PRDM2: variants seen among roughly 807,000 people sequenced by gnomAD.
PRDM2 encodes the protein PR/SET domain 2, also known as PR domain zinc finger protein 2.
PRDM2 carries 30 observed loss-of-function variants against 130.0 expected under a neutral mutation model. The observed-to-expected ratio is 0.23, with a 90% confidence interval of 0.17 to 0.31. The LOEUF is 0.31. Ranked by LOEUF, PRDM2 falls within the 10% of genes least tolerant of loss-of-function variation. The probability of loss-of-function intolerance (pLI) is 1.00; values close to 1 mark genes in which losing one functional copy is unlikely to be tolerated. For synonymous variants in PRDM2, 871 were observed against 782.4 expected (o/e 1.11, Z -1.89); for missense variants, 2,011 against 2,108.4 (o/e 0.95, Z 0.90).
intron 8 of PRDM2, chr1:13,788,064 A>G: frequency 1.0e-6 from 1 of 979,224 alleles, no homozygotes; most frequent in Non-Finnish European, 1.2e-6. Context: ...GTAACCAATA[A>G]AAAACTTTCT....
intron 8 of PRDM2, among the ~76,000 whole-genome samples, chr1:13,789,737 C>T (rs1207343460): frequency 6.6e-6 from 1 of 152,128 alleles, no homozygotes; most frequent in Non-Finnish European, 1.5e-5. Context: ...TCATAAAGGG[C>T]AATTTACCTT....
At chr1:13,770,821 G>A (rs1287338099) in intron 6 of PRDM2, among the ~76,000 whole-genome samples, 3 of 152,036 alleles carry the variant, frequency 2.0e-5, no homozygotes, top group African/African-American at 7.3e-5. Context: ...GAATCTGTGG[G>A]CTACACCAGG....
At chr1:13,762,787 C>A (rs1429922061) in intron 6 of PRDM2, among the ~76,000 whole-genome samples, 1 of 152,192 alleles carries the variant, frequency 6.6e-6, no homozygotes, top group Non-Finnish European at 1.5e-5. Context: ...CCCGGCTTTA[C>A]CTGGCTCCCT....
At chr1:13,738,565 A>C (rs745507000) in intron 4 of PRDM2, among the ~76,000 whole-genome samples, 1 of 152,206 alleles carries the variant, frequency 6.6e-6, no homozygotes, top group Non-Finnish European at 1.5e-5. Flanking sequence ...AGGGCTCGAG[A>C]GGCCAAGCTA....
chr1:13,718,404 T>C (rs1256814085), intron 2 of PRDM2, among the ~76,000 whole-genome samples: 1 of 152,184 alleles, frequency 6.6e-6, no homozygotes, highest in African/African-American at 2.4e-5. Context: ...TTGTTTGTTA[T>C]TGATTCCTTT....
chr1:13,791,805 C>T (rs1427269462), intron 8 of PRDM2, among the ~76,000 whole-genome samples: 3 of 152,222 alleles, frequency 2.0e-5, no homozygotes, highest in Admixed American at 6.5e-5. Flanking sequence ...ATAAACTTGT[C>T]GACCTGTTGC....
chr1:13,806,191 C>T lies in PRDM2; in HGVS notation c.5037-10236C>T, dbSNP rs900760934. Among the ~76,000 whole-genome samples, 5 of 151,984 alleles carry T rather than the reference C, an allele frequency of 3.3e-5. No homozygotes were observed. The highest frequency in any genetic ancestry group is 9.7e-5 in the African/African-American group (4 of 41,346). On this transcript the variant is annotated intron_variant, in intron 8 of 9. Transcript: ENST00000311066. The surrounding 1 kb of genome is among the most constrained non-coding windows in gnomAD (Gnocchi z 4.1). ...CTTGAAATACTCTCCACCTGGACACCGCCCTCTCCCAGTCTCTGCACATTA... is the reference window on the plus strand; with the variant it reads ...CTTGAAATACTCTCCACCTGGACACTGCCCTCTCCCAGTCTCTGCACATTA...
At chr1:13,793,627 T>G (rs2100712257) in intron 8 of PRDM2, among the ~76,000 whole-genome samples, 1 of 152,344 alleles carries the variant, frequency 6.6e-6, no homozygotes, top group Non-Finnish European at 1.5e-5. Context: ...TTTGTCAGAA[T>G]TTTTAAAACA....
intron 8 of PRDM2, among the ~76,000 whole-genome samples, chr1:13,794,817 C>T (rs1240971158): frequency 1.3e-5 from 2 of 152,184 alleles, no homozygotes; most frequent in African/African-American, 4.8e-5. Context: ...GTTGTAGTAG[C>T]CAGAACATTC....
In PRDM2 at chr1:13,779,870, A is replaced by C. The variant is rs1302201859; in HGVS notation, c.2075A>C (p.Lys692Thr). 1 of 1,610,752 alleles carries C rather than the reference A, an allele frequency of 6.2e-7. No homozygotes were observed. Among genetic ancestry groups the C allele is most frequent in the Non-Finnish European group, 8.5e-7 (1 of 1,179,570 alleles). ...EKSVYLSSKL[K>T]QLLQTQDKLT... ...AGTGTTTATTTGTCATCAAAGCTCA[A>C]ACAACTTCTTCAAACCCAAGATAAA... Residue 692 changes from lysine (K) to threonine (T), a missense_variant, in exon 8 of 10, where the codon AAA becomes ACA. Lys to Thr is a moderately conservative substitution (Grantham distance 78, BLOSUM62 -1). Around this residue, in one of 5 missense-constraint regions of PRDM2, gnomAD observed 1,288 missense variants for 1,237.7 expected, o/e 1.04. Transcript: ENST00000311066. This position sits in a 1 kb window ranked among gnomAD's most constrained non-coding sequence, Gnocchi z 4.9.
At chr1:13,716,109 A>G (rs569183033) in intron 2 of PRDM2, among the ~76,000 whole-genome samples, 18 of 152,244 alleles carry the variant, frequency 1.2e-4, no homozygotes, top group African/African-American at 4.3e-4. Flanking sequence ...ACCATGGAAT[A>G]CTATGCAGCC....
intron 9 of PRDM2, among the ~76,000 whole-genome samples, 153 bp downstream of exon 9, chr1:13,816,723 C>G (rs1645264645): frequency 6.6e-6 from 1 of 152,172 alleles, no homozygotes; most frequent in Non-Finnish European, 1.5e-5. Context: ...CAGGAGGGCA[C>G]TTAGCTGAGT....
At chr1:13,796,705 T>C (rs1157887601) in intron 8 of PRDM2, among the ~76,000 whole-genome samples, 1 of 152,150 alleles carries the variant, frequency 6.6e-6, no homozygotes, top group African/African-American at 2.4e-5. Context: ...TGAGCTATGA[T>C]TGCACCACTG....
At chr1:13,709,333 C>T (rs545324732) in intron 1 of PRDM2, among the ~76,000 whole-genome samples, 1 of 152,184 alleles carries the variant, frequency 6.6e-6, no homozygotes, top group Non-Finnish European at 1.5e-5. Context: ...TGGAGTCTTT[C>T]TGAAGAAAAA....
At position 13,811,089 on chromosome 1, in the gene PRDM2, C is replaced by T. The variant is rs377686395; in HGVS notation, c.5037-5338C>T. Among the ~76,000 whole-genome samples the T allele has an allele frequency of 2.1e-3, 312 of 151,882 alleles. 1 individual carries two copies. The highest frequency in any genetic ancestry group is 7.2e-3 in the African/African-American group (298 of 41,442). On this transcript the variant is annotated intron_variant, in intron 8 of 9. Coordinates refer to ENST00000311066, the MANE Select transcript of PRDM2 (RefSeq NM_001393986.1). ...GTCCCAGGTACTCAGGAGGCTGAGG[C>T]GGGAGAATCGCTTGAACCTGGGAGG...
At chr1:13,816,774 C>T (rs1350786431) in intron 9 of PRDM2, among the ~76,000 whole-genome samples, 1 of 152,238 alleles carries the variant, frequency 6.6e-6, no homozygotes, top group African/African-American at 2.4e-5. Context: ...AGCTCTGCCA[C>T]TTGCTGGCTA....
At chr1:13,786,801 C>T (rs535224384) in intron 8 of PRDM2, 3 of 1,276,258 alleles carry the variant, frequency 2.4e-6, no homozygotes, top group Non-Finnish European at 2.0e-6. Context: ...GGCTCCTCGT[C>T]ATGGGACTGG....
intron 4 of PRDM2, among the ~76,000 whole-genome samples, chr1:13,734,569 A>G (rs936849293): frequency 6.6e-6 from 1 of 152,244 alleles, no homozygotes; most frequent in African/African-American, 2.4e-5. Context: ...ATTGAGATTC[A>G]TACATAGTAT....
chr1:13,793,629 T>G (rs1644877067), intron 8 of PRDM2, among the ~76,000 whole-genome samples: 1 of 152,242 alleles, frequency 6.6e-6, no homozygotes, highest in Admixed American at 6.5e-5. Context: ...TGTCAGAATT[T>G]TTAAAACACT....
Sources: allele counts gnomAD v4.1 joint callset (sites outside exome capture counted in the v4.1 genomes callset), GRCh38; gene constraint gnomAD v4.1.1; regional missense constraint gnomAD v4.1.1; non-coding constraint Gnocchi (gnomAD v3.1); transcripts MANE v1.5; gene names NCBI Gene and HGNC (gene_info 2026-07-23, HGNC 2026-07-21).